Variants in JAKMIP1 observed in about 807,000 individuals in gnomAD.
JAKMIP1 encodes the protein janus kinase and microtubule-interacting protein 1.
A neutral mutation model predicts 113.0 loss-of-function variants in JAKMIP1; 33 were observed. The observed-to-expected ratio is 0.29, with a 90% CI of 0.22 to 0.39. The LOEUF (loss-of-function observed/expected upper bound fraction) is 0.39. JAKMIP1 is among the 10% of genes least tolerant of loss of function. The pLI is 1.00. For synonymous variants in JAKMIP1, 480 were observed against 459.9 expected (o/e 1.04, Z -0.56); for missense variants, 813 against 1,080.5 (o/e 0.75, Z 3.47).
chr4:6,179,010 G>C lies in JAKMIP1; in HGVS notation c.-148+21243C>G, dbSNP rs1244480811. On this transcript the variant is annotated intron_variant, in intron 1 of 20. Transcript: ENST00000409021. The surrounding 1 kb of genome is among the most constrained non-coding windows in gnomAD (Gnocchi z 4.5). ...TGGATTGCCACATCCAAAAAGATCA[G>C]GTTACAAAGCTGGTATAGCATATTC... 2.0e-5 allele frequency among the ~76,000 whole-genome samples: 3 copies of C among 152,222 alleles called. No homozygotes were observed. Among genetic ancestry groups the C allele is most frequent in the African/African-American group, 7.2e-5 (3 of 41,452 alleles).
chr4:6,038,742 G>A (rs1713903687), intron 18 of JAKMIP1, among the ~76,000 whole-genome samples: 2 of 152,206 alleles, frequency 1.3e-5, no homozygotes, highest in South Asian at 2.1e-4. Context: ...GCAGAGCTGC[G>A]GGGCCCCCAG....
intron 18 of JAKMIP1, among the ~76,000 whole-genome samples, chr4:6,038,271 GAGGCAGAGGCTAACCGGTATCCCTCCA>G: frequency 7.3e-6 from 1 of 137,014 alleles, no homozygotes; most frequent in Non-Finnish European, 1.5e-5. Context: ...CTCCAACACC[GAGGCAGAGGCTAACCGGTATCCCTCCA>G]TCACCGAGGC....
intron 3 of JAKMIP1, among the ~76,000 whole-genome samples, chr4:6,100,363 T>A (rs982031178): frequency 3.3e-5 from 5 of 152,358 alleles, no homozygotes; most frequent in African/African-American, 1.2e-4. Flanking sequence ...TTCTATCATT[T>A]AGCATAATGT....
intron 17 of JAKMIP1, among the ~76,000 whole-genome samples, chr4:6,041,420 C>T (rs1714300822): frequency 6.6e-6 from 1 of 152,196 alleles, no homozygotes; most frequent in African/African-American, 2.4e-5. Flanking sequence ...CACCCTGCTC[C>T]TAGGCCACAC....
Position 6,079,012 on chromosome 4 carries a change from C to A in JAKMIP1, c.1243-14G>T. On this transcript the variant is annotated splice_polypyrimidine_tract_variant and intron_variant, in intron 7 of 20. Transcript: ENST00000409021. ...CCGTTCTCTCTCCTAGAAGGAAACA[C>A]AACGGTTGGCATTTCCAGCCAGCCT... is the stretch of plus-strand genomic sequence containing the variant. 1.9e-6 allele frequency: 3 copies of A among 1,614,136 alleles called. No homozygotes were observed. The highest frequency in any genetic ancestry group is 2.5e-6 in the Non-Finnish European group (3 of 1,180,002).
rs1037374080 is a variant in JAKMIP1 at position 6,175,271 on chromosome 4, G to A, written c.-148+24982C>T. Among the ~76,000 whole-genome samples, 10 of 152,120 alleles carry A rather than the reference G, an allele frequency of 6.6e-5. No homozygotes were observed. In the South Asian group the frequency reaches 1.2e-3, roughly 19 times the overall value. On this transcript the variant is annotated intron_variant, in intron 1 of 20. Coordinates refer to ENST00000409021, the MANE Select transcript of JAKMIP1 (RefSeq NM_001099433.2). ...CACAGAACTCCCATGTGATAGAACC[G>A]GGACACAAGTAAGTGAGCTCCAAAT...
chr4:6,112,608 G>GC (rs933021628), intron 2 of JAKMIP1, 114 bp downstream of exon 2: 16 of 1,266,898 alleles, frequency 1.3e-5, no homozygotes, highest in African/African-American at 7.2e-5. Context: ...GAGGTGAAGT[G>GC]CCCCCCCTCG....
At position 6,085,573 on chromosome 4, in the gene JAKMIP1, G is replaced by C. The variant is rs200104729; in HGVS notation, c.681C>G (p.Gly227=). The C allele has an allele frequency of 6.2e-7, 1 of 1,614,188 alleles. No homozygotes were observed. The highest frequency in any genetic ancestry group is 8.5e-7 in the Non-Finnish European group (1 of 1,180,046). The change falls in exon 4 of 21, where the codon GGC becomes GGG. Residue 227 remains glycine (G), a synonymous_variant. Coordinates refer to ENST00000409021, the MANE Select transcript of JAKMIP1 (RefSeq NM_001099433.2). ...RVILALEKEL[G]VQAGQTQKLL... Reference sequence around the variant, plus strand: ...GCTTCTGGGTCTGCCCAGCCTGCACGCCAAGTTCCTTCTCCAAGGCCAGAA... The same window carrying C: ...GCTTCTGGGTCTGCCCAGCCTGCACCCCAAGTTCCTTCTCCAAGGCCAGAA...
At position 6,153,390 on chromosome 4, in the gene JAKMIP1, C is replaced by A. The variant is rs1721847847; in HGVS notation, c.-147-40393G>T. Reference sequence around the variant, plus strand: ...TGGGATTTGAAGCCCCTTCTTCTCTCCACAGCCTTGTGACCCTGGCCCTCT... The same window carrying A: ...TGGGATTTGAAGCCCCTTCTTCTCTACACAGCCTTGTGACCCTGGCCCTCT... On this transcript the variant is annotated intron_variant, in intron 1 of 20. Coordinates refer to ENST00000409021, the MANE Select transcript of JAKMIP1 (RefSeq NM_001099433.2). This position sits in a 1 kb window ranked among gnomAD's most constrained non-coding sequence, Gnocchi z 4.9. Among the ~76,000 whole-genome samples the A allele has an allele frequency of 6.6e-6, 1 of 152,226 alleles. No homozygotes were observed. Among genetic ancestry groups the A allele is most frequent in the Admixed American group, 6.5e-5 (1 of 15,286 alleles).
At chr4:6,109,191 G>GGT (rs1714479993) in intron 2 of JAKMIP1, among the ~76,000 whole-genome samples, 1 of 142,824 alleles carries the variant, frequency 7.0e-6, no homozygotes, top group Non-Finnish European at 1.5e-5. Flanking sequence ...GGAGTGCAGT[G>GGT]GCACGATCTT....
intron 8 of JAKMIP1, among the ~76,000 whole-genome samples, chr4:6,068,450 G>C (rs921077179): frequency 6.6e-6 from 1 of 152,140 alleles, no homozygotes; most frequent in Non-Finnish European, 1.5e-5. Flanking sequence ...GCAATGCAGA[G>C]GAATCCACAG....
intron 1 of JAKMIP1, among the ~76,000 whole-genome samples, chr4:6,151,595 C>T (rs962060075): frequency 5.9e-5 from 9 of 152,192 alleles, no homozygotes; most frequent in African/African-American, 1.9e-4. Flanking sequence ...TAGTTGCACT[C>T]ACAGCACTGT....
rs1377091014 is a variant in JAKMIP1, at chr4:6,139,212, T to C, written c.-147-26215A>G. On this transcript the variant is annotated intron_variant, in intron 1 of 20. Transcript: ENST00000409021. The surrounding 1 kb of genome is among the most constrained non-coding windows in gnomAD (Gnocchi z 5.2). Reference sequence around the variant, plus strand: ...GGGTTCCCATGGGCTCCAGAAACTTTCACTATTTAAAAGGGTTCTGCCCCA... The same window carrying C: ...GGGTTCCCATGGGCTCCAGAAACTTCCACTATTTAAAAGGGTTCTGCCCCA... Among the ~76,000 whole-genome samples, 2 of 45,624 alleles carry C rather than the reference T, an allele frequency of 4.4e-5. No individual in the cohort carries two copies. Among genetic ancestry groups the C allele is most frequent in the Admixed American group, 7.5e-4 (2 of 2,654 alleles). 29.9% of individuals were successfully genotyped at this position (45,624 alleles called of 152,430 possible). A position where few individuals can be genotyped will look rare whatever the true frequency, so the allele number is the denominator to read the frequency against.
chr4:6,159,996 C>T (rs1332452448), intron 1 of JAKMIP1, among the ~76,000 whole-genome samples: 1 of 152,110 alleles, frequency 6.6e-6, no homozygotes, highest in African/African-American at 2.4e-5. Context: ...GACGTCACAA[C>T]CCTAATGATC....
Position 6,111,955 on chromosome 4 carries a change from G to T in JAKMIP1, c.129+767C>A, listed in dbSNP as rs541299787. ...TTTGAAGCCTCCTGACCATCTGAAC[G>T]GATCCCTCCTCTCCACCAAGGGTCT... On this transcript the variant is annotated intron_variant, in intron 2 of 20. Transcript: ENST00000409021. Among the ~76,000 whole-genome samples the T allele has an allele frequency of 2.0e-5, 3 of 152,298 alleles. No individual in the cohort carries two copies. In the Middle Eastern group the frequency reaches 0.01, roughly 518 times the overall value.
Position 6,153,518 on chromosome 4 carries a change from A to G in JAKMIP1, c.-147-40521T>C, listed in dbSNP as rs1346304031. On this transcript the variant is annotated intron_variant, in intron 1 of 20. Transcript: ENST00000409021. The surrounding 1 kb of genome is among the most constrained non-coding windows in gnomAD (Gnocchi z 4.9). ...CCGCTGTGACTTCTGCATAAAATGCATGGTTCTTCTTTTCTTAAAATTAGC... is the reference window on the plus strand; with the variant it reads ...CCGCTGTGACTTCTGCATAAAATGCGTGGTTCTTCTTTTCTTAAAATTAGC... Among the ~76,000 whole-genome samples, 3 of 152,246 alleles carry G rather than the reference A, an allele frequency of 2.0e-5. No homozygotes were observed. The highest frequency in any genetic ancestry group is 4.4e-5 in the Non-Finnish European group (3 of 68,044).
rs570856555 is a variant in JAKMIP1 at position 6,044,423 on chromosome 4, A to T, written c.2029-2196T>A. On this transcript the variant is annotated intron_variant, in intron 16 of 20. Transcript: ENST00000409021. The surrounding 1 kb of genome is among the most constrained non-coding windows in gnomAD (Gnocchi z 4.4). ...CACAGAACTCCTTCCCTAACGCCAC[A>T]GTGAGCTCGGCCCCCAGTACGGGCT... Among the ~76,000 whole-genome samples, 2 of 152,190 alleles carry T rather than the reference A, an allele frequency of 1.3e-5. No homozygotes were observed. The highest frequency in any genetic ancestry group is 4.8e-5 in the African/African-American group (2 of 41,542).
At chr4:6,182,565 C>G (rs1413344494) in intron 1 of JAKMIP1, among the ~76,000 whole-genome samples, 1 of 152,182 alleles carries the variant, frequency 6.6e-6, no homozygotes, top group East Asian at 1.9e-4. Flanking sequence ...CACCATGAAC[C>G]AAGTTGTCTG....
chr4:6,149,072 A>G (rs1721233390), intron 1 of JAKMIP1, among the ~76,000 whole-genome samples: 1 of 152,182 alleles, frequency 6.6e-6, no homozygotes, highest in South Asian at 2.1e-4. Context: ...CACCCCCAGG[A>G]AACAGTGGCC....
Sources: gnomAD v4.1 joint callset for allele counts (sites outside exome capture counted in the v4.1 genomes callset) on GRCh38, gnomAD v4.1.1 for gene constraint, Gnocchi (gnomAD v3.1) non-coding constraint, MANE v1.5 for transcripts, NCBI Gene and HGNC (gene_info 2026-07-23, HGNC 2026-07-21) for gene names.